The following WNT3 variants were observed in gnomAD, a reference collection of about 807,000 sequenced individuals.
WNT3 encodes the protein proto-oncogene Wnt-3.
Under a neutral mutation model 34.2 loss-of-function variants are expected in WNT3, and 7 were observed. The observed-to-expected ratio is 0.20, with a 90% CI of 0.12 to 0.38. The LOEUF is 0.38. WNT3 is among the 10% of genes least tolerant of loss of function. The probability of loss-of-function intolerance (pLI) is 1.00; values close to 1 mark genes in which losing one functional copy is unlikely to be tolerated. For missense variants in WNT3, 267 were observed against 499.8 expected (o/e 0.53, Z 4.44); for synonymous variants, 212 against 211.5 (o/e 1.00, Z -0.02).
At chr17:46,817,064 G>T (rs2084360932) in intron 1 of WNT3, among the ~76,000 whole-genome samples, 1 of 152,182 alleles carries the variant, frequency 6.6e-6, no homozygotes, top group South Asian at 2.1e-4. Context: ...CCCTTGGCTG[G>T]CTGTCCTGGG....
chr17:46,803,044 T>TG (rs1444352151), intron 1 of WNT3, among the ~76,000 whole-genome samples: 7 of 152,108 alleles, frequency 4.6e-5, no homozygotes, highest in Non-Finnish European at 1.0e-4. Context: ...CCTCAACCTA[T>TG]GGGATCAGAT....
In WNT3 at chr17:46,773,935, A is replaced by G. The variant is rs767258561; in HGVS notation, c.81-26T>C. The stretch of plus-strand genomic sequence containing the variant: ...CTGCAGGCAGACAGAGGGTAGTAAC[A>G]CTGTGGGCACAAAGCACAGAGCCCA... On this transcript the variant is annotated intron_variant, in intron 1 of 4. Coordinates refer to ENST00000225512, the MANE Select transcript of WNT3 (RefSeq NM_030753.5). 8.1e-6 allele frequency: 13 copies of G among 1,606,952 alleles called. No homozygotes were observed. The East Asian group carries it at 2.5e-4, about 30-fold the overall frequency.
rs1403025206 is a variant in WNT3 at position 46,770,023 on chromosome 17, G to A, written c.348C>T (p.His116=). The A allele has an allele frequency of 1.3e-5, 20 of 1,573,118 alleles. No homozygotes were observed. The highest frequency in any genetic ancestry group is 4.7e-5 in the East Asian group (2 of 42,938). The change falls in exon 3 of 5, where the codon CAC becomes CAT. Residue 116 remains histidine (H), a synonymous_variant. Coordinates refer to ENST00000225512, the MANE Select transcript of WNT3 (RefSeq NM_030753.5). ...DKATRESAFV[H]AIASAGVAFA... is the part of the protein sequence containing the mutation. ...AGGCCACGCCGGCCGAGGCGATGGC[G>A]TGAACGAAGGCCGACTCGCGGGTGG...
At position 46,768,485 on chromosome 17, in the gene WNT3, A is replaced by G. The variant is rs139040530; in HGVS notation, c.903T>C (p.Asn301=). The change falls in exon 4 of 5, where the codon AAT becomes AAC. Residue 301 remains asparagine (N), a synonymous_variant. Transcript: ENST00000225512. The surrounding 1 kb of genome is among the most constrained non-coding windows in gnomAD (Gnocchi z 5.0). The part of the protein sequence containing the change: ...GSFGTRDRTC[N]VTSHGIDGCD... Reference sequence around the variant, plus strand: ...AGCCATCGATGCCGTGGGAGGTGACATTGCAAGTCCGGTCCCTTGTGCCAA... The same window carrying G: ...AGCCATCGATGCCGTGGGAGGTGACGTTGCAAGTCCGGTCCCTTGTGCCAA... 2.5e-4 allele frequency: 397 copies of G among 1,614,000 alleles called. No homozygotes were observed. The highest frequency in any genetic ancestry group is 3.2e-4 in the Non-Finnish European group (383 of 1,180,030).
intron 1 of WNT3, among the ~76,000 whole-genome samples, chr17:46,779,103 A>ACACACACACACACACACACCCCC (rs749719578): frequency 7.5e-6 from 1 of 133,590 alleles, no homozygotes; most frequent in Admixed American, 7.8e-5. Flanking sequence ...ACACACACAC[A>ACACACACACACACACACACCCCC]CCCCAGCCCA....
intron 1 of WNT3, among the ~76,000 whole-genome samples, chr17:46,785,286 C>T (rs1250175919): frequency 1.3e-5 from 2 of 152,188 alleles, no homozygotes; most frequent in African/African-American, 4.8e-5. Context: ...AGCCTTTGGG[C>T]TTTGGCCAGC....
chr17:46,807,779 C>T (rs1232394647), intron 1 of WNT3, among the ~76,000 whole-genome samples: 2 of 152,238 alleles, frequency 1.3e-5, no homozygotes, highest in East Asian at 1.9e-4. Flanking sequence ...AAAATAAAAA[C>T]GGAAGAGCAG....
At chr17:46,800,271 C>T (rs933563405) in intron 1 of WNT3, among the ~76,000 whole-genome samples, 27 of 152,234 alleles carry the variant, frequency 1.8e-4, no homozygotes, top group African/African-American at 6.5e-4. Context: ...CCACCACACC[C>T]AGCTAATTTT....
At chr17:46,800,323 C>G (rs1006252692) in intron 1 of WNT3, among the ~76,000 whole-genome samples, 8 of 152,136 alleles carry the variant, frequency 5.3e-5, no homozygotes, top group Admixed American at 1.3e-4. Flanking sequence ...GTTGGTCAGG[C>G]TGGTCTAGAA....
chr17:46,773,697 A>G lies in WNT3; in HGVS notation c.293T>C (p.Leu98Pro). The change falls in exon 2 of 5, where the codon CTG becomes CCG. Residue 98 changes from leucine to proline, a missense_variant. Transcript: ENST00000225512. ...RWNCTTIDDS[L>P]AIFGPVLDKA... ...GTCGAGGACGGGCCCAAAGATGGCCAGGCTGTCATCTATGGTGGTGCAGTT... is the reference window on the plus strand; with the variant it reads ...GTCGAGGACGGGCCCAAAGATGGCCGGGCTGTCATCTATGGTGGTGCAGTT... 1 of 1,354,320 alleles carries G rather than the reference A, an allele frequency of 7.4e-7. No individual in the cohort carries two copies. Among genetic ancestry groups the G allele is most frequent in the Non-Finnish European group, 9.8e-7 (1 of 1,022,408 alleles). The allele number at this position is 1,354,320 out of a possible 1,614,324, so 83.9% of individuals were successfully genotyped here.
intron 1 of WNT3, among the ~76,000 whole-genome samples, chr17:46,774,976 A>C (rs1285640355): frequency 2.0e-5 from 3 of 152,184 alleles, no homozygotes; most frequent in Non-Finnish European, 4.4e-5. Context: ...GCACTGACCA[A>C]GGCTTTGGTC....
Position 46,769,987 on chromosome 17 carries a change from G to A in WNT3, c.384C>T (p.Thr128=), listed in dbSNP as rs1367134786. 1.2e-6 allele frequency: 2 copies of A among 1,607,606 alleles called. No homozygotes were observed. Among genetic ancestry groups the A allele is most frequent in the South Asian group, 1.1e-5 (1 of 90,316 alleles). The part of the protein sequence containing the change: ...IASAGVAFAV[T]RSCAEGTSTI... ...TGGAGGTGCCCTCGGCGCAGGAGCG[G>A]GTGACGGCGAAGGCCACGCCGGCCG... The change falls in exon 3 of 5, where the codon ACC becomes ACT. Residue 128 remains threonine, a synonymous_variant. Coordinates refer to ENST00000225512, the MANE Select transcript of WNT3 (RefSeq NM_030753.5).
intron 1 of WNT3, among the ~76,000 whole-genome samples, chr17:46,781,703 C>A (rs1258372926): frequency 1.3e-5 from 2 of 152,162 alleles, no homozygotes; most frequent in African/African-American, 4.8e-5. Context: ...CTGAATAGTA[C>A]ACTTTAAAAT....
intron 1 of WNT3, among the ~76,000 whole-genome samples, chr17:46,785,659 C>T (rs937357824): frequency 1.3e-5 from 2 of 152,214 alleles, no homozygotes; most frequent in Non-Finnish European, 2.9e-5. Context: ...GCTCAGCTGC[C>T]AGGGACCACC....
rs1598774233 is a variant in WNT3, at chr17:46,787,567, T to C, written c.81-13658A>G. On this transcript the variant is annotated intron_variant, in intron 1 of 4. Transcript: ENST00000225512. ...TCCCAGCCAGAGCTTGTCTCTCTCA[T>C]AGCACGCAGATCGTTCTTGAAGTGC... Among the ~76,000 whole-genome samples the C allele has an allele frequency of 2.6e-5, 4 of 152,310 alleles. No homozygotes were observed. The South Asian group carries it at 6.2e-4, about 24-fold the overall frequency.
chr17:46,787,713 G>A (rs563982190), intron 1 of WNT3, among the ~76,000 whole-genome samples: 2 of 152,290 alleles, frequency 1.3e-5, no homozygotes, highest in African/African-American at 4.8e-5. Context: ...CGGCACTTTG[G>A]GAGGCCAAGG....
At chr17:46,790,885 G>A (rs1027626270) in intron 1 of WNT3, among the ~76,000 whole-genome samples, 5 of 152,254 alleles carry the variant, frequency 3.3e-5, no homozygotes, top group African/African-American at 9.6e-5. Context: ...GAAAAGGACA[G>A]GATAAAAGAT....
rs1250088969 is a variant in WNT3, at chr17:46,771,829, TG to T, written c.323-1782del. Among the ~76,000 whole-genome samples, 1,365 of 139,656 alleles carry T rather than the reference TG, an allele frequency of 9.8e-3. 29 individuals carry two copies. Among genetic ancestry groups the T allele is most frequent in the African/African-American group, 0.03 (1,173 of 38,528 alleles). The allele number at this position is 139,656 out of a possible 152,430, so 91.6% of individuals were successfully genotyped here. A position where few individuals can be genotyped will look rare whatever the true frequency, so the allele number is the denominator to read the frequency against. Reference sequence around the variant, plus strand: ...TGTGAATGGCGCGGCGGCCGCGCGGTGGGGGGGCGGTGCTCGGGCGCTTTTC... The same window carrying T: ...TGTGAATGGCGCGGCGGCCGCGCGGTGGGGGGCGGTGCTCGGGCGCTTTTC... On this transcript the variant is annotated intron_variant, in intron 2 of 4. Coordinates refer to ENST00000225512, the MANE Select transcript of WNT3 (RefSeq NM_030753.5).
intron 1 of WNT3, among the ~76,000 whole-genome samples, chr17:46,809,464 C>G (rs934863837): frequency 1.3e-5 from 2 of 152,184 alleles, no homozygotes; most frequent in Non-Finnish European, 2.9e-5. Context: ...TGCTCCCATC[C>G]CCCTCCCCAA....
Sources: allele counts gnomAD v4.1 joint callset (sites outside exome capture counted in the v4.1 genomes callset), GRCh38; gene constraint gnomAD v4.1.1; non-coding constraint Gnocchi (gnomAD v3.1); transcripts MANE v1.5; gene names NCBI Gene and HGNC (gene_info 2026-07-23, HGNC 2026-07-21).